BRAT1: variants seen among roughly 807,000 people sequenced by gnomAD.
BRAT1 encodes integrator complex assembly factor BRAT1.
BRAT1 carries 74 observed loss-of-function variants against 70.6 expected under a neutral mutation model. That is an observed-to-expected ratio of 1.05 (90% CI 0.87 to 1.27). The LOEUF is 1.27. Ranked by LOEUF, BRAT1 falls within the 50% of genes most tolerant of loss-of-function variation. The pLI is 0.00. For missense variants in BRAT1, 1,203 were observed against 1,098.2 expected (o/e 1.10, Z -1.35); for synonymous variants, 615 against 517.1 (o/e 1.19, Z -2.57).
Position 2,539,562 on chromosome 7 carries a change from G to T in BRAT1, c.1579C>A (p.Leu527Met), listed in dbSNP as rs151161353. The T allele has an allele frequency of 1.9e-6, 3 of 1,570,212 alleles. No individual in the cohort carries two copies. The Admixed American group carries it at 5.5e-5, about 29-fold the overall frequency. Residue 527 changes from leucine to methionine, a missense_variant, in exon 12 of 14, where the codon CTG becomes ATG. Leu to Met is a conservative substitution (Grantham distance 15). Transcript: ENST00000340611. ...RDSALEFLTQ[L>M]SRHWGGQADF... ...CACTCACCTCCCCAGTGCCTGCTCA[G>T]CTGGGTCAGGAACTCGAGGGCGGAG...
At chr7:2,539,411 C>T in intron 12 of BRAT1, 60 bp from the exon 13 acceptor site, 1 of 1,547,916 alleles carries the variant, frequency 6.5e-7, no homozygotes, top group African/African-American at 1.4e-5. Context: ...TCGCCTCGGC[C>T]TCTGCCTCCA....
intron 1 of BRAT1, among the ~76,000 whole-genome samples, chr7:2,554,758 G>C (rs1454829088): frequency 6.6e-6 from 1 of 152,218 alleles, no homozygotes; most frequent in African/African-American, 2.4e-5. Flanking sequence ...GCAACAGCGT[G>C]GTGCTGGCCC....
intron 11 of BRAT1, 44 bp downstream of exon 11, chr7:2,539,742 C>A: frequency 6.4e-7 from 1 of 1,569,668 alleles, no homozygotes; most frequent in Non-Finnish European, 8.7e-7. Flanking sequence ...TGCCTCCACC[C>A]CTGCGACTCC....
chr7:2,544,821 C>T (rs1411000980), intron 4 of BRAT1, 88 bp downstream of exon 4: 1 of 1,507,818 alleles, frequency 6.6e-7, no homozygotes, highest in African/African-American at 1.4e-5. Flanking sequence ...ATCGCACAGA[C>T]CAGACACTCA....
At chr7:2,538,827 G>A in intron 13 of BRAT1, 63 bp from the exon 14 acceptor site, 11 of 1,579,966 alleles carry the variant, frequency 7.0e-6, no homozygotes, top group Non-Finnish European at 8.5e-6. Flanking sequence ...TCCCGCAACA[G>A]GACTCCGGTA....
At chr7:2,539,976 G>C in intron 10 of BRAT1, 88 bp from the exon 11 acceptor site, 3 of 928,054 alleles carry the variant, frequency 3.2e-6, no homozygotes, top group Admixed American at 6.3e-5. Context: ...TGTGCTGCCC[G>C]TACTCCAGGG....
At chr7:2,554,696 C>G (rs1003190423) in intron 1 of BRAT1, among the ~76,000 whole-genome samples, 2 of 152,246 alleles carry the variant, frequency 1.3e-5, no homozygotes, top group Non-Finnish European at 2.9e-5. Flanking sequence ...GCTGAAACCA[C>G]AAGGCCTCCG....
intron 2 of BRAT1, among the ~76,000 whole-genome samples, chr7:2,548,354 T>C (rs1254582066): frequency 6.6e-6 from 1 of 151,936 alleles, no homozygotes; most frequent in Non-Finnish European, 1.5e-5. Context: ...GTGAGGAGCA[T>C]GCAGAGGAGG....
chr7:2,539,127 A>C, intron 13 of BRAT1, 52 bp downstream of exon 13: 1 of 1,550,704 alleles, frequency 6.4e-7, no homozygotes, highest in South Asian at 1.2e-5. Flanking sequence ...GCAAACGAGC[A>C]CACACGATGG....
intron 2 of BRAT1, among the ~76,000 whole-genome samples, chr7:2,548,524 G>A (rs190604577): frequency 2.6e-5 from 4 of 152,130 alleles, no homozygotes; most frequent in Admixed American, 6.5e-5. Flanking sequence ...AAATTAGCCC[G>A]GCATGGTGGC....
chr7:2,552,106 ATTTTTT>A (rs1174942520), intron 2 of BRAT1, among the ~76,000 whole-genome samples: 4 of 14,214 alleles, frequency 2.8e-4, no homozygotes, highest in East Asian at 2.0e-3. Context: ...ATATATATAT[ATTTTTT>A]TTTTTTTTTT....
intron 4 of BRAT1, chr7:2,544,208 T>TTTTTTTG (rs1779424056): frequency 8.1e-6 from 3 of 372,426 alleles, no homozygotes; most frequent in Admixed American, 9.1e-5. Flanking sequence ...TTGTTTTTTT[T>TTTTTTTG]TTTTTTTTTT....
chr7:2,554,154 G>A, intron 2 of BRAT1, 151 bp downstream of exon 2: 1 of 1,119,170 alleles, frequency 8.9e-7, no homozygotes, highest in Non-Finnish European at 1.2e-6. Context: ...GTCTGCCACA[G>A]ATAATCCTTA....
At chr7:2,540,882 C>A in intron 10 of BRAT1, 97 bp downstream of exon 10, 3 of 1,240,480 alleles carry the variant, frequency 2.4e-6, no homozygotes, top group Non-Finnish European at 3.2e-6. Flanking sequence ...GTGAAGGCCC[C>A]ATCCGCAGAG....
rs200692755 is a variant in BRAT1, at chr7:2,541,715, T to C, written c.1134+3A>G. On this transcript the variant is annotated splice_donor_region_variant and intron_variant, in intron 8 of 13. Coordinates refer to ENST00000340611, the MANE Select transcript of BRAT1 (RefSeq NM_152743.4). ...GGCTGCATGAGGACCGGGCCGCACCTACCAGCGGCTGCAGCTCCTCCAGGT... is the reference window on the plus strand; with the variant it reads ...GGCTGCATGAGGACCGGGCCGCACCCACCAGCGGCTGCAGCTCCTCCAGGT... The C allele has an allele frequency of 6.2e-6, 10 of 1,605,634 alleles. No homozygotes were observed. The African/African-American group carries it at 1.2e-4, about 19-fold the overall frequency.
rs867019645 is a variant in BRAT1 at position 2,544,961 on chromosome 7, G to T, written c.378C>A (p.Gly126=). ...VPTVRSGWIQ[G]LRSLAQHPSA... is the part of the protein sequence containing the mutation. ...TGGGGTGCTGTGCCAGGGAGCGCAG[G>T]CCCTGGATCCAGCCGCTGCGCACGG... Residue 126 remains glycine (G), a synonymous_variant, in exon 4 of 14, where the codon GGC becomes GGA. Coordinates refer to ENST00000340611, the MANE Select transcript of BRAT1 (RefSeq NM_152743.4). 1.3e-6 allele frequency: 2 copies of T among 1,562,552 alleles called. No homozygotes were observed.
At chr7:2,547,987 G>A (rs892098399) in intron 2 of BRAT1, among the ~76,000 whole-genome samples, 2 of 151,948 alleles carry the variant, frequency 1.3e-5, no homozygotes, top group African/African-American at 4.8e-5. Flanking sequence ...GGAAGGCTGA[G>A]GCAGGAGAAT....
At chr7:2,540,023 C>T (rs551592837) in intron 10 of BRAT1, 135 bp from the exon 11 acceptor site, 8 of 620,606 alleles carry the variant, frequency 1.3e-5, no homozygotes, top group African/African-American at 7.6e-5. Context: ...GAGAAGGGAA[C>T]GCTGGGCTTC....
At chr7:2,546,822 G>C (rs1372519104) in intron 3 of BRAT1, among the ~76,000 whole-genome samples, 2 of 152,146 alleles carry the variant, frequency 1.3e-5, no homozygotes, top group African/African-American at 4.8e-5. Context: ...ATTCTCATTA[G>C]TTATTCATTC....
Sources: allele counts gnomAD v4.1 joint callset (sites outside exome capture counted in the v4.1 genomes callset), GRCh38; gene constraint gnomAD v4.1.1; transcripts MANE v1.5; gene names NCBI Gene and HGNC (gene_info 2026-07-23, HGNC 2026-07-21).